The following PDE7B variants were observed in gnomAD, a reference collection of about 807,000 sequenced individuals.
PDE7B encodes 3',5'-cyclic-AMP phosphodiesterase 7B.
Under a neutral mutation model 56.2 loss-of-function variants are expected in PDE7B, and 29 were observed. The observed-to-expected ratio is 0.52, with a 90% CI of 0.38 to 0.70. PDE7B has a LOEUF of 0.70. PDE7B is among the 30% of genes least tolerant of loss of function. The pLI is 0.00. For missense variants in PDE7B, 490 were observed against 565.0 expected (o/e 0.87, Z 1.35); for synonymous variants, 197 against 196.9 (o/e 1.00, Z 0.00).
intron 8 of PDE7B, among the ~76,000 whole-genome samples, chr6:136,173,141 T>C (rs1015520563): frequency 1.1e-4 from 16 of 152,236 alleles, no homozygotes; most frequent in African/African-American, 3.6e-4. Flanking sequence ...TTCACAGAAT[T>C]GGAAAAAACT....
At chr6:136,116,870 C>G (rs1777839757) in intron 3 of PDE7B, among the ~76,000 whole-genome samples, 3 of 152,126 alleles carry the variant, frequency 2.0e-5, no homozygotes, top group Non-Finnish European at 2.9e-5. Context: ...TTATAATAAG[C>G]TTGATTTTGA....
intron 2 of PDE7B, among the ~76,000 whole-genome samples, chr6:135,998,027 A>G (rs1775595985): frequency 1.3e-5 from 2 of 152,316 alleles, no homozygotes; most frequent in South Asian, 4.1e-4. Flanking sequence ...TACGTTAGGC[A>G]AGTCTCTACT....
intron 1 of PDE7B, among the ~76,000 whole-genome samples, chr6:135,931,935 GCACACACACACGCGCGCGCA>G (rs1774298384): frequency 9.0e-6 from 1 of 111,206 alleles, no homozygotes; most frequent in Non-Finnish European, 1.8e-5. Flanking sequence ...TTGTTACCGC[GCACACACACACGCGCGCGCA>G]CACACACACA....
At position 136,158,126 on chromosome 6, in the gene PDE7B, C is replaced by T. The variant is rs925549802; in HGVS notation, c.711+2368C>T. 4.6e-5 allele frequency among the ~76,000 whole-genome samples: 7 copies of T among 152,220 alleles called. No homozygotes were observed. The South Asian group carries it at 6.2e-4, about 14-fold the overall frequency. On this transcript the variant is annotated intron_variant, in intron 8 of 12. Transcript: ENST00000308191. ...TATATAAGCTGAGCAAACCCATTAA[C>T]GACACATGGTATTTAAAAATCTTTG...
chr6:136,059,100 G>A (rs987291189), intron 2 of PDE7B, among the ~76,000 whole-genome samples: 4 of 152,186 alleles, frequency 2.6e-5, no homozygotes, highest in Non-Finnish European at 5.9e-5. Context: ...TGGGCCAGGG[G>A]TGGTCTAACT....
intron 2 of PDE7B, among the ~76,000 whole-genome samples, chr6:136,020,981 G>A (rs1321334947): frequency 3.9e-5 from 6 of 152,140 alleles, no homozygotes; most frequent in Non-Finnish European, 8.8e-5. Flanking sequence ...ACAAGTGCAA[G>A]AGCTACGTCT....
At chr6:136,050,616 A>G (rs1003157063) in intron 2 of PDE7B, among the ~76,000 whole-genome samples, 3 of 152,150 alleles carry the variant, frequency 2.0e-5, no homozygotes, top group Non-Finnish European at 4.4e-5. Flanking sequence ...GTAAGTGGCT[A>G]TTGTGGCTTG....
Position 135,916,126 on chromosome 6 carries a change from A to C in PDE7B, c.22-31338A>C, listed in dbSNP as rs1773928831. 2.6e-5 allele frequency among the ~76,000 whole-genome samples: 4 copies of C among 152,224 alleles called. No homozygotes were observed. The South Asian group carries it at 8.3e-4, about 32-fold the overall frequency. ...ATTTTATCTTTATAAAAGGTCACCA[A>C]GCTGTTTTTCCCAGTGACTTTCCCA... On this transcript the variant is annotated intron_variant, in intron 1 of 12. Transcript: ENST00000308191.
intron 1 of PDE7B, among the ~76,000 whole-genome samples, chr6:135,867,031 G>A (rs1301135777): frequency 6.6e-6 from 1 of 152,080 alleles, no homozygotes; most frequent in East Asian, 1.9e-4. Flanking sequence ...TCCTGTGTGG[G>A]GGATCTTTCG....
intron 1 of PDE7B, among the ~76,000 whole-genome samples, chr6:135,868,954 G>T (rs1390169673): frequency 6.6e-6 from 1 of 152,108 alleles, no homozygotes; most frequent in African/African-American, 2.4e-5. Flanking sequence ...ACTGCTGAAG[G>T]CTGTGTACAT....
chr6:136,163,345 C>A (rs1221933711), intron 8 of PDE7B, among the ~76,000 whole-genome samples: 6 of 152,218 alleles, frequency 3.9e-5, no homozygotes, highest in South Asian at 2.1e-4. Context: ...GAAGCAATGG[C>A]CTGAGCTACA....
At chr6:136,140,277 T>C (rs1384468226) in intron 3 of PDE7B, among the ~76,000 whole-genome samples, 3 of 152,122 alleles carry the variant, frequency 2.0e-5, no homozygotes, top group Non-Finnish European at 4.4e-5. Context: ...GACCAGAGAG[T>C]TGTAGATACG....
chr6:135,997,749 A>C (rs911417269), intron 2 of PDE7B, among the ~76,000 whole-genome samples: 1 of 152,186 alleles, frequency 6.6e-6, no homozygotes, highest in African/African-American at 2.4e-5. Flanking sequence ...TACAATGTTA[A>C]ATGGAGAAGG....
intron 2 of PDE7B, among the ~76,000 whole-genome samples, chr6:135,995,490 G>A (rs1319117439): frequency 6.6e-6 from 1 of 152,210 alleles, no homozygotes; most frequent in East Asian, 1.9e-4. Flanking sequence ...AGACACTGAT[G>A]AGTATGAGTC....
At chr6:135,867,551 T>C (rs531879681) in intron 1 of PDE7B, among the ~76,000 whole-genome samples, 2 of 152,258 alleles carry the variant, frequency 1.3e-5, no homozygotes, top group South Asian at 2.1e-4. Flanking sequence ...CTACTACCCA[T>C]TAGTTATTTT....
chr6:136,151,466 G>T (rs1778511950), intron 6 of PDE7B, among the ~76,000 whole-genome samples: 1 of 152,042 alleles, frequency 6.6e-6, no homozygotes, highest in African/African-American at 2.4e-5. Context: ...CAAACAACTT[G>T]GGGGTTAGGG....
In PDE7B at chr6:136,178,989, G is replaced by A. The variant is rs746320163; in HGVS notation, c.804-8G>A. On this transcript the variant is annotated splice_region_variant and splice_polypyrimidine_tract_variant and intron_variant, in intron 9 of 12. Coordinates refer to ENST00000308191, the MANE Select transcript of PDE7B (RefSeq NM_018945.4). The stretch of plus-strand genomic sequence containing the variant: ...GTGTGTTTTTCTCTTTCATTCTTGT[G>A]GATGCAGACAGGATATTGAACAGCA... 4 of 1,613,862 alleles carry A rather than the reference G, an allele frequency of 2.5e-6. No homozygotes were observed. Among genetic ancestry groups the A allele is most frequent in the East Asian group, 2.2e-5 (1 of 44,872 alleles).
intron 2 of PDE7B, among the ~76,000 whole-genome samples, chr6:136,076,527 T>C (rs945344652): frequency 2.6e-5 from 4 of 152,030 alleles, no homozygotes; most frequent in Non-Finnish European, 5.9e-5. Flanking sequence ...GCCTCAGGAA[T>C]TGAAGGCAGC....
At position 136,167,636 on chromosome 6, in the gene PDE7B, G is replaced by A. The variant is rs116062489; in HGVS notation, c.712-6161G>A. On this transcript the variant is annotated intron_variant, in intron 8 of 12. Coordinates refer to ENST00000308191, the MANE Select transcript of PDE7B (RefSeq NM_018945.4). ...ATGTCTTTATCAGTAGCATGAAAAC[G>A]GACTAATATACCATCTCTACCACCA... is the stretch of plus-strand genomic sequence containing the variant. Among the ~76,000 whole-genome samples the A allele has an allele frequency of 5.1e-3, 778 of 152,194 alleles. 7 individuals carry two copies. The highest frequency in any genetic ancestry group is 0.018 in the African/African-American group (735 of 41,528).
Sources: gnomAD v4.1 joint callset for allele counts (sites outside exome capture counted in the v4.1 genomes callset) on GRCh38, gnomAD v4.1.1 for gene constraint, MANE v1.5 for transcripts, NCBI Gene and HGNC (gene_info 2026-07-23, HGNC 2026-07-21) for gene names.